The following KDM5B variants were observed in gnomAD, a reference collection of about 807,000 sequenced individuals.
KDM5B encodes the protein lysine demethylase 5B.
Under a neutral mutation model 193.4 loss-of-function variants are expected in KDM5B, and 144 were observed. The ratio of observed to expected loss-of-function variants is 0.74; its 90% CI spans 0.65 to 0.86. KDM5B has a LOEUF of 0.86. Ranked by LOEUF, KDM5B falls within the 40% of genes least tolerant of loss-of-function variation. The pLI is 0.00. For synonymous variants in KDM5B, 668 were observed against 682.6 expected (o/e 0.98, Z 0.33); for missense variants, 1,833 against 1,886.9 (o/e 0.97, Z 0.53).
Position 202,756,475 on chromosome 1 carries a change from T to G in KDM5B, c.1239A>C (p.Leu413=). The change falls in exon 10 of 27, where the codon CTA becomes CTC. Residue 413 remains leucine, a synonymous_variant. Transcript: ENST00000367265. Reference sequence around the variant, plus strand: ...TGACATCCTCCTCAATAGTGCTTACTAGTCTCCAAAATTCTTTCTCAACAA... The same window carrying G: ...TGACATCCTCCTCAATAGTGCTTACGAGTCTCCAAAATTCTTTCTCAACAA... ...TELVEKEFWR[L]VSTIEEDVTV... 6.2e-7 allele frequency: 1 copy of G among 1,610,540 alleles called. No individual in the cohort carries two copies. Among genetic ancestry groups the G allele is most frequent in the Non-Finnish European group, 8.5e-7 (1 of 1,178,474 alleles).
intron 1 of KDM5B, among the ~76,000 whole-genome samples, chr1:202,793,961 A>T (rs923554717): frequency 2.0e-5 from 3 of 152,192 alleles, no homozygotes; most frequent in African/African-American, 7.2e-5. Flanking sequence ...CTCCCACTGG[A>T]AAATTTGGTG....
At position 202,758,504 on chromosome 1, in the gene KDM5B, T is replaced by C. The variant is rs1656110211; in HGVS notation, c.1084A>G (p.Ser362Gly). The C allele has an allele frequency of 6.2e-7, 1 of 1,607,902 alleles. No homozygotes were observed. The highest frequency in any genetic ancestry group is 8.5e-7 in the Non-Finnish European group (1 of 1,175,292). The change falls in exon 9 of 27, where the codon AGT becomes GGT. Residue 362 changes from serine to glycine, a missense_variant. By Grantham distance (56) the Ser-to-Gly change is moderately conservative. This residue lies in a region of KDM5B where 99 missense variants were observed against 162.4 expected (regional missense o/e 0.61). Transcript: ENST00000367265. ...AAGCCAAATGCTTCTTGTGGCTTAC[T>C]ACATTCCTGAAAATAAAGAAAATTA... ...RCPKCLAQEC[S>G]KPQEAFGFEQ...
At chr1:202,733,960 G>A in intron 22 of KDM5B, 74 bp from the exon 23 acceptor site, 1 of 1,511,364 alleles carries the variant, frequency 6.6e-7, no homozygotes, top group South Asian at 1.3e-5. Context: ...AGTCCTAGTG[G>A]TTAAGAGCAT....
intron 20 of KDM5B, among the ~76,000 whole-genome samples, chr1:202,738,102 T>C (rs1655164232): frequency 6.6e-6 from 1 of 152,224 alleles, no homozygotes; most frequent in South Asian, 2.1e-4. Context: ...TCCTTGTTGT[T>C]AGTCATGTGT....
At chr1:202,733,215 G>T (rs2102214651) in intron 23 of KDM5B, among the ~76,000 whole-genome samples, 186 bp downstream of exon 23, 1 of 152,292 alleles carries the variant, frequency 6.6e-6, no homozygotes, top group East Asian at 1.9e-4. Flanking sequence ...TCTAATAGGA[G>T]CAGAGGAAAT....
At chr1:202,772,438 A>T (rs563173436) in intron 4 of KDM5B, among the ~76,000 whole-genome samples, 1 of 152,302 alleles carries the variant, frequency 6.6e-6, no homozygotes, top group South Asian at 2.1e-4. Flanking sequence ...TCTCCTCAAA[A>T]ATCTCAGCTG....
intron 2 of KDM5B, among the ~76,000 whole-genome samples, chr1:202,775,097 T>C (rs1385165570): frequency 6.8e-6 from 1 of 147,782 alleles, no homozygotes; most frequent in African/African-American, 2.5e-5. Context: ...ATCAGCCTAG[T>C]GTGGTGGCGC....
At position 202,729,898 on chromosome 1, in the gene KDM5B, T is replaced by A; in HGVS notation, c.4306A>T (p.Lys1436Ter). The change falls in exon 26 of 27, where the codon AAG (lysine) becomes TAG (stop). Residue 1436 changes from lysine to a stop codon, truncating the protein, a stop_gained. Transcript: ENST00000367265. LOFTEE classifies it high-confidence loss of function. ...TTGGGGTGGCTCAGTTTGATTTTCTTCTTTTTGGGGGTCCGCATTTTCTTA... is the reference window on the plus strand; with the variant it reads ...TTGGGGTGGCTCAGTTTGATTTTCTACTTTTTGGGGGTCCGCATTTTCTTA... ...RVKKMRTPKKKKIKLSHPKDM... is the reference protein window; with the variant it reads ...RVKKMRTPKK 1.2e-6 allele frequency: 2 copies of A among 1,614,170 alleles called. No individual in the cohort carries two copies. The highest frequency in any genetic ancestry group is 1.7e-6 in the Non-Finnish European group (2 of 1,180,018).
intron 4 of KDM5B, among the ~76,000 whole-genome samples, chr1:202,769,027 A>C (rs1656594664): frequency 7.5e-6 from 1 of 133,722 alleles, no homozygotes; most frequent in South Asian, 2.3e-4. Flanking sequence ...GGCCTATTAT[A>C]TTCTTTTTTT....
chr1:202,730,117 T>TA, intron 25 of KDM5B, 90 bp from the exon 26 acceptor site: 1 of 1,114,470 alleles, frequency 9.0e-7, no homozygotes, highest in Non-Finnish European at 1.3e-6. Context: ...AAATTAGAAA[T>TA]CAGATGATCC....
intron 13 of KDM5B, among the ~76,000 whole-genome samples, chr1:202,750,005 G>A (rs1655727950): frequency 6.6e-6 from 1 of 152,174 alleles, no homozygotes; most frequent in Non-Finnish European, 1.5e-5. Context: ...TGCAGATAAT[G>A]TAAGCTAGTA....
intron 1 of KDM5B, among the ~76,000 whole-genome samples, chr1:202,806,217 C>T (rs1464158415): frequency 6.6e-6 from 1 of 152,218 alleles, no homozygotes; most frequent in Non-Finnish European, 1.5e-5. Flanking sequence ...TACCCCAGCC[C>T]TGGTATACCA....
intron 2 of KDM5B, among the ~76,000 whole-genome samples, 163 bp downstream of exon 2, chr1:202,776,854 T>C (rs1035024449): frequency 7.2e-5 from 11 of 152,200 alleles, no homozygotes; most frequent in African/African-American, 2.2e-4. Flanking sequence ...ATTCGATATT[T>C]TAAAGACCTG....
At chr1:202,745,345 A>G (rs1235974768) in intron 16 of KDM5B, among the ~76,000 whole-genome samples, 2 of 152,196 alleles carry the variant, frequency 1.3e-5, no homozygotes, top group East Asian at 3.8e-4. Flanking sequence ...CAAAAAACAA[A>G]CTATATTTTC....
At chr1:202,774,889 C>T (rs1656875063) in intron 2 of KDM5B, among the ~76,000 whole-genome samples, 154 bp from the exon 3 acceptor site, 2 of 151,804 alleles carry the variant, frequency 1.3e-5, no homozygotes, top group Non-Finnish European at 2.9e-5. Flanking sequence ...CATATAATAC[C>T]ACTTTCTAAA....
At chr1:202,750,899 A>T in intron 12 of KDM5B, 121 bp from the exon 13 acceptor site, 1 of 944,788 alleles carries the variant, frequency 1.1e-6, no homozygotes, top group Non-Finnish European at 1.6e-6. Flanking sequence ...AAATTGAGCC[A>T]GAAAAAACAA....
intron 8 of KDM5B, 65 bp from the exon 9 acceptor site, chr1:202,758,575 C>T: frequency 7.4e-7 from 1 of 1,350,848 alleles, no homozygotes; most frequent in Non-Finnish European, 1.0e-6. Flanking sequence ...GGTCAATCAT[C>T]AAGCTGGCAG....
intron 1 of KDM5B, among the ~76,000 whole-genome samples, chr1:202,798,275 T>G (rs989436299): frequency 1.3e-5 from 2 of 150,972 alleles, no homozygotes; most frequent in East Asian, 3.9e-4. Context: ...TATTCTAGGG[T>G]TTTTTTTGTT....
In KDM5B at chr1:202,730,870, C is replaced by A. The variant is rs767279204; in HGVS notation, c.4176+39G>T. 5.8e-6 allele frequency: 9 copies of A among 1,548,980 alleles called. No homozygotes were observed. In the Admixed American group the frequency reaches 1.7e-4, roughly 30 times the overall value. On this transcript the variant is annotated intron_variant, in intron 25 of 26. Transcript: ENST00000367265. ...AGTAAAATAAAGCATACCCCCACCCCAGACTGTGCCTTGCCCCAGAAGCCT... is the reference window on the plus strand; with the variant it reads ...AGTAAAATAAAGCATACCCCCACCCAAGACTGTGCCTTGCCCCAGAAGCCT...
Sources: allele counts gnomAD v4.1 joint callset (sites outside exome capture counted in the v4.1 genomes callset), GRCh38; gene constraint gnomAD v4.1.1; regional missense constraint gnomAD v4.1.1; transcripts MANE v1.5; gene names NCBI Gene and HGNC (gene_info 2026-07-23, HGNC 2026-07-21).